The following FKBP1A variants were observed in gnomAD, a reference collection of about 807,000 sequenced individuals.
FKBP1A encodes the protein peptidyl-prolyl cis-trans isomerase FKBP1A.
FKBP1A carries 5 observed loss-of-function variants against 14.2 expected under a neutral mutation model. That is an observed-to-expected ratio of 0.35 (90% CI 0.18 to 0.74). The LOEUF (loss-of-function observed/expected upper bound fraction) is 0.74. Among genes scored for constraint, FKBP1A ranks in the 30% least tolerant of loss-of-function variants. FKBP1A has a pLI of 0.56. For missense variants in FKBP1A, 53 were observed against 138.8 expected (o/e 0.38, Z 3.10); for synonymous variants, 42 against 49.1 (o/e 0.86, Z 0.60).
chr20:1,376,151 C>T (rs2089540620), intron 2 of FKBP1A, among the ~76,000 whole-genome samples: 1 of 152,212 alleles, frequency 6.6e-6, no homozygotes, highest in African/African-American at 2.4e-5. Context: ...GACCTACACA[C>T]ATTGCTGCTC....
At chr20:1,375,206 T>C in intron 3 of FKBP1A, 1 of 555,040 alleles carries the variant, frequency 1.8e-6, no homozygotes, top group Non-Finnish European at 3.1e-6. Context: ...ACTCCTCTTT[T>C]ATGTAGTGGT....
At chr20:1,372,863 A>G (rs1447360588) in intron 3 of FKBP1A, among the ~76,000 whole-genome samples, 1 of 152,248 alleles carries the variant, frequency 6.6e-6, no homozygotes, top group Non-Finnish European at 1.5e-5. Context: ...ATTTGCTGTG[A>G]GGAGAACAGT....
chr20:1,385,942 A>G lies in FKBP1A; in HGVS notation c.85+6892T>C, dbSNP rs75264256. Among the ~76,000 whole-genome samples the G allele has an allele frequency of 5.3e-3, 808 of 152,242 alleles. 18 individuals carry two copies. The highest frequency in any genetic ancestry group is 0.028 in the East Asian group (145 of 5,188). On this transcript the variant is annotated intron_variant, in intron 2 of 4. Coordinates refer to ENST00000400137, the MANE Select transcript of FKBP1A (RefSeq NM_000801.5). Reference sequence around the variant, plus strand: ...CTATCTAAAACCTCAACCTTTTCCTATTCCCTCCTTAACACTTACTAGCTT... The same window carrying G: ...CTATCTAAAACCTCAACCTTTTCCTGTTCCCTCCTTAACACTTACTAGCTT...
chr20:1,391,019 C>A (rs181605999), intron 2 of FKBP1A, among the ~76,000 whole-genome samples: 1 of 152,290 alleles, frequency 6.6e-6, no homozygotes, highest in South Asian at 2.1e-4. Context: ...GGAAAAGGCT[C>A]CAGACATGCT....
rs112411527 is a variant in FKBP1A at position 1,371,899 on chromosome 20, A to G, written c.*36+177T>C. On this transcript the variant is annotated intron_variant, in intron 4 of 4. Coordinates refer to ENST00000400137, the MANE Select transcript of FKBP1A (RefSeq NM_000801.5). ...GCCAATTCCTTTCCTTAGGGTGACCAATTTTTACATTCAAAGCATACACTA... is the reference window on the plus strand; with the variant it reads ...GCCAATTCCTTTCCTTAGGGTGACCGATTTTTACATTCAAAGCATACACTA... The G allele has an allele frequency of 9.6e-4, 1,309 of 1,368,070 alleles. 10 individuals carry two copies. The African/African-American group carries it at 0.017, about 18-fold the overall frequency. 84.7% of individuals were successfully genotyped at this position (1,368,070 alleles called of 1,614,324 possible). A position where few individuals can be genotyped will look rare whatever the true frequency, so the allele number is the denominator to read the frequency against.
chr20:1,372,305 A>G, intron 3 of FKBP1A, 65 bp from the exon 4 acceptor site: 1 of 1,567,674 alleles, frequency 6.4e-7, no homozygotes, highest in Non-Finnish European at 8.7e-7. Context: ...TGTAAGAAAA[A>G]GAGCTGTTTA....
At position 1,372,230 on chromosome 20, in the gene FKBP1A, C is replaced by T. The variant is rs1472074745; in HGVS notation, c.209G>A (p.Gly70Asp). ...WEEGVAQMSVGQRAKLTISPD... is the reference protein window; with the variant it reads ...WEEGVAQMSVDQRAKLTISPD... ...AGATATAGTCAGTTTGGCTCTCTGA[C>T]CCACACTCATCTGTGAAAAGAACAA... The change falls in exon 4 of 5, where the codon GGT becomes GAT. Residue 70 changes from glycine (G) to aspartate (D), a missense_variant. Gly to Asp is a moderately conservative substitution (Grantham distance 94, BLOSUM62 -1). Coordinates refer to ENST00000400137, the MANE Select transcript of FKBP1A (RefSeq NM_000801.5). 1 of 1,613,724 alleles carries T rather than the reference C, an allele frequency of 6.2e-7. No homozygotes were observed. The highest frequency in any genetic ancestry group is 8.5e-7 in the Non-Finnish European group (1 of 1,179,750).
chr20:1,370,618 T>C (rs2089451136), intron 4 of FKBP1A: 1 of 985,416 alleles, frequency 1.0e-6, no homozygotes, highest in Non-Finnish European at 1.2e-6. Context: ...AACTTAAAAC[T>C]TTCTGGGTTT....
rs548999584 is a variant in FKBP1A at position 1,391,984 on chromosome 20, C to T, written c.85+850G>A. ...CTTGTAAGGAGAAGGAGTAAGACAG[C>T]CCCAAGGCACACGACTCTGATGTCT... On this transcript the variant is annotated intron_variant, in intron 2 of 4. Transcript: ENST00000400137. 1.2e-3 allele frequency among the ~76,000 whole-genome samples: 187 copies of T among 152,218 alleles called. 1 individual carries two copies. Among genetic ancestry groups the T allele is most frequent in the Admixed American group, 4.3e-3 (66 of 15,296 alleles).
chr20:1,392,027 G>A (rs2089743764), intron 2 of FKBP1A, among the ~76,000 whole-genome samples: 1 of 152,196 alleles, frequency 6.6e-6, no homozygotes, highest in Non-Finnish European at 1.5e-5. Context: ...GGCTGGGGAG[G>A]GGGAGGTGTC....
intron 2 of FKBP1A, among the ~76,000 whole-genome samples, chr20:1,376,152 A>G (rs1184705044): frequency 6.6e-6 from 1 of 152,132 alleles, no homozygotes; most frequent in Non-Finnish European, 1.5e-5. Context: ...ACCTACACAC[A>G]TTGCTGCTCT....
rs1220577585 is a variant in FKBP1A, at chr20:1,386,505, G to A, written c.85+6329C>T. ...TCAGTCGGTTGGGGAAAGAGCAGAT[G>A]TTTAACTACACGGATCCTGACTATG... On this transcript the variant is annotated intron_variant, in intron 2 of 4. Coordinates refer to ENST00000400137, the MANE Select transcript of FKBP1A (RefSeq NM_000801.5). This position sits in a 1 kb window ranked among gnomAD's most constrained non-coding sequence, Gnocchi z 4.7. Among the ~76,000 whole-genome samples the A allele has an allele frequency of 2.0e-5, 3 of 152,176 alleles. No homozygotes were observed. In the East Asian group the frequency reaches 5.8e-4, roughly 29 times the overall value.
chr20:1,383,739 C>G (rs2089641626), intron 2 of FKBP1A, among the ~76,000 whole-genome samples: 2 of 560 alleles, frequency 3.6e-3, no homozygotes, highest in East Asian at 0.071. Flanking sequence ...TTGAGTGGAT[C>G]AAGTGGGAGA....
At chr20:1,391,835 G>C in intron 2 of FKBP1A, 1 of 347,904 alleles carries the variant, frequency 2.9e-6, no homozygotes, top group Non-Finnish European at 5.1e-6. Context: ...GAGGGGGAGG[G>C]AAGGTTATTC....
chr20:1,371,598 T>A, intron 4 of FKBP1A: 1 of 529,506 alleles, frequency 1.9e-6, no homozygotes. Flanking sequence ...TACCATCTAA[T>A]AGGCAGTAAC....
intron 4 of FKBP1A, chr20:1,371,688 G>C (rs1372891968): frequency 1.2e-5 from 12 of 988,222 alleles, no homozygotes; most frequent in Non-Finnish European, 1.4e-5. Flanking sequence ...TCCCCCTCTA[G>C]CTTCTAGAAA....
chr20:1,392,957 C>A lies in FKBP1A; in HGVS notation c.37+5G>T. On this transcript the variant is annotated splice_donor_5th_base_variant and intron_variant, in intron 1 of 4. Coordinates refer to ENST00000400137, the MANE Select transcript of FKBP1A (RefSeq NM_000801.5). ...TACTCCGAGCCGCCGCGCGCCACTACTCACCGTCTCCTGGGGAGATGGTTT... is the reference window on the plus strand; with the variant it reads ...TACTCCGAGCCGCCGCGCGCCACTAATCACCGTCTCCTGGGGAGATGGTTT... The A allele has an allele frequency of 6.7e-7, 1 of 1,503,466 alleles. No homozygotes were observed. Among genetic ancestry groups the A allele is most frequent in the Non-Finnish European group, 8.8e-7 (1 of 1,133,262 alleles). 93.1% of individuals were successfully genotyped at this position (1,503,466 alleles called of 1,614,324 possible).
intron 2 of FKBP1A, among the ~76,000 whole-genome samples, chr20:1,390,113 G>C (rs1275753125): frequency 6.6e-6 from 1 of 152,148 alleles, no homozygotes; most frequent in African/African-American, 2.4e-5. Flanking sequence ...ATGTGGTAAA[G>C]GTCAGTCTGT....
At chr20:1,375,415 G>A (rs758888107) in intron 3 of FKBP1A, 76 bp downstream of exon 3, 22 of 1,050,616 alleles carry the variant, frequency 2.1e-5, no homozygotes, top group African/African-American at 1.9e-4. Flanking sequence ...TTTTTGAACC[G>A]TATAAATATG....
Sources: gnomAD v4.1 joint callset for allele counts (sites outside exome capture counted in the v4.1 genomes callset) on GRCh38, gnomAD v4.1.1 for gene constraint, Gnocchi (gnomAD v3.1) non-coding constraint, MANE v1.5 for transcripts, NCBI Gene and HGNC (gene_info 2026-07-23, HGNC 2026-07-21) for gene names.